The following NUP205 variants were observed in gnomAD, a reference collection of about 807,000 sequenced individuals.
NUP205 encodes nucleoporin 205.
NUP205 carries 76 observed loss-of-function variants against 253.8 expected under a neutral mutation model. The ratio of observed to expected loss-of-function variants is 0.30; its 90% CI spans 0.25 to 0.36. NUP205 has a LOEUF of 0.36. Among genes scored for constraint, NUP205 ranks in the 10% least tolerant of loss-of-function variants. The pLI, the probability that NUP205 is intolerant of heterozygous loss-of-function variation, is 1.00. For synonymous variants in NUP205, 832 were observed against 850.1 expected (o/e 0.98, Z 0.37); for missense variants, 2,162 against 2,425.5 (o/e 0.89, Z 2.28).
Position 135,606,786 on chromosome 7 carries a change from C to T in NUP205, c.2941C>T (p.His981Tyr). Residue 981 changes from histidine to tyrosine, a missense_variant, in exon 21 of 43, where the codon CAT becomes TAT. Physicochemically the swap from His to Tyr is moderately conservative, Grantham distance 83 (BLOSUM62 2). Around this residue, in one of 5 missense-constraint regions of NUP205, gnomAD observed 1,144 missense variants for 1,280.9 expected, o/e 0.89. Transcript: ENST00000285968. ...ELEKKLVAIR[H>Y]ETRIHILNLL... Reference sequence around the variant, plus strand: ...TGAAAAGAAATTAGTTGCAATTCGTCATGAAACAAGAATCCACATCTTGAA... The same window carrying T: ...TGAAAAGAAATTAGTTGCAATTCGTTATGAAACAAGAATCCACATCTTGAA... The T allele has an allele frequency of 1.2e-6, 2 of 1,613,810 alleles. No homozygotes were observed. The highest frequency in any genetic ancestry group is 2.2e-5 in the East Asian group (1 of 44,842).
chr7:135,593,928 C>T (rs546127071), intron 12 of NUP205, among the ~76,000 whole-genome samples: 1 of 152,184 alleles, frequency 6.6e-6, no homozygotes, highest in South Asian at 2.1e-4. Context: ...ATATAACTAG[C>T]AGTAATTCAT....
Position 135,638,650 on chromosome 7 carries a change from T to C in NUP205, c.5359T>C (p.Ser1787Pro), listed in dbSNP as rs959480329. The C allele has an allele frequency of 6.2e-7, 1 of 1,614,148 alleles. No homozygotes were observed. Among genetic ancestry groups the C allele is most frequent in the Non-Finnish European group, 8.5e-7 (1 of 1,180,006 alleles). Residue 1787 changes from serine (S) to proline (P), a missense_variant, in exon 38 of 43, where the codon TCA becomes CCA. Ser to Pro is a moderately conservative substitution (Grantham distance 74). This residue lies in a region of NUP205 where 1,144 missense variants were observed against 1,280.9 expected (regional missense o/e 0.89). Coordinates refer to ENST00000285968, the MANE Select transcript of NUP205 (RefSeq NM_015135.3). ...TGTGTGTCTCTTCACTCCTAGCCTT[T>C]CAGAAACAGTTAATAGAGATGGACC... Reference protein sequence around the residue: ...HAVCLFTPSLSETVNRDGPRQ... With the variant: ...HAVCLFTPSLPETVNRDGPRQ...
chr7:135,564,580 C>T (rs1424765019), intron 1 of NUP205, among the ~76,000 whole-genome samples: 1 of 151,502 alleles, frequency 6.6e-6, no homozygotes, highest in Non-Finnish European at 1.5e-5. Flanking sequence ...AGGGTTTTGC[C>T]ATGTGACCCA....
intron 12 of NUP205, among the ~76,000 whole-genome samples, chr7:135,594,281 A>G (rs915883396): frequency 1.3e-5 from 2 of 152,124 alleles, no homozygotes; most frequent in African/African-American, 4.8e-5. Flanking sequence ...CGGACCATTT[A>G]TCTCTGTTTG....
chr7:135,616,175 CT>C, intron 24 of NUP205, 110 bp downstream of exon 24: 1 of 966,864 alleles, frequency 1.0e-6, no homozygotes, highest in Non-Finnish European at 1.5e-6. Context: ...TATCTTCTCA[CT>C]TTTAGAATTT....
intron 13 of NUP205, 112 bp downstream of exon 13, chr7:135,594,841 C>A: frequency 1.3e-6 from 1 of 777,958 alleles, no homozygotes; most frequent in Non-Finnish European, 2.0e-6. Flanking sequence ...ATGAACATCC[C>A]AACTAGAGTT....
intron 38 of NUP205, among the ~76,000 whole-genome samples, chr7:135,642,711 C>G (rs1315548401): frequency 6.6e-6 from 1 of 152,132 alleles, no homozygotes; most frequent in Non-Finnish European, 1.5e-5. Flanking sequence ...TGACTTTGAG[C>G]TGGCAATTTA....
intron 1 of NUP205, among the ~76,000 whole-genome samples, chr7:135,559,368 T>A (rs1185014012): frequency 6.6e-6 from 1 of 152,248 alleles, no homozygotes; most frequent in East Asian, 1.9e-4. Flanking sequence ...TTTTATTTTT[T>A]AATTTTTCTT....
chr7:135,612,688 A>G (rs1358736630), intron 22 of NUP205, among the ~76,000 whole-genome samples: 1 of 152,204 alleles, frequency 6.6e-6, no homozygotes, highest in Non-Finnish European at 1.5e-5. Flanking sequence ...CGCATGAAGG[A>G]CCATGGAAGC....
Position 135,576,404 on chromosome 7 carries a change from C to T in NUP205, c.478C>T (p.Leu160=), listed in dbSNP as rs768095306. The change falls in exon 4 of 43, where the codon CTA becomes TTA. Residue 160 remains leucine (L), a synonymous_variant. Coordinates refer to ENST00000285968, the MANE Select transcript of NUP205 (RefSeq NM_015135.3). ...GTCTAGACGGGGAAAGACATGGACC[C>T]TAGAACTCAGGTCTTTTTACTTCTT... is the stretch of plus-strand genomic sequence containing the variant. The part of the protein sequence containing the change: ...IQSRRGKTWT[L]ELSPELASMT... 6.2e-7 allele frequency: 1 copy of T among 1,609,026 alleles called. No homozygotes were observed. Among genetic ancestry groups the T allele is most frequent in the Non-Finnish European group, 8.5e-7 (1 of 1,178,562 alleles).
Position 135,618,622 on chromosome 7 carries a change from TA to T in NUP205, c.3963+20del. 1 of 1,535,474 alleles carries T rather than the reference TA, an allele frequency of 6.5e-7. No individual in the cohort carries two copies. Among genetic ancestry groups the T allele is most frequent in the Non-Finnish European group, 8.8e-7 (1 of 1,135,612 alleles). On this transcript the variant is annotated intron_variant, in intron 28 of 42. Coordinates refer to ENST00000285968, the MANE Select transcript of NUP205 (RefSeq NM_015135.3). ...TGATAAGGTGACGTACTTCCTAAAA[TA>T]CTTTATACTGCTGAACGAATGTATC...
At chr7:135,559,257 TAGA>T (rs1250373926) in intron 1 of NUP205, among the ~76,000 whole-genome samples, 1 of 152,248 alleles carries the variant, frequency 6.6e-6, no homozygotes, top group Non-Finnish European at 1.5e-5. Context: ...ACGTATATAT[TAGA>T]AGGTTAGTAA....
chr7:135,607,033 A>G (rs1347850254), intron 21 of NUP205, 118 bp downstream of exon 21: 4 of 1,181,748 alleles, frequency 3.4e-6, no homozygotes, highest in Admixed American at 2.2e-5. Flanking sequence ...AAGAAAGGTA[A>G]TGTGATGGAT....
intron 38 of NUP205, among the ~76,000 whole-genome samples, chr7:135,639,566 C>T (rs1361945965): frequency 6.6e-6 from 1 of 151,900 alleles, no homozygotes; most frequent in African/African-American, 2.4e-5. Context: ...TGGCGCGCGC[C>T]TGTAATCCCA....
chr7:135,609,096 C>T (rs1265805440), intron 22 of NUP205, among the ~76,000 whole-genome samples: 1 of 130,700 alleles, frequency 7.7e-6, no homozygotes, highest in African/African-American at 3.0e-5. Context: ...AAGAGCAAAA[C>T]TCCGTCTCAA....
intron 31 of NUP205, among the ~76,000 whole-genome samples, chr7:135,623,683 A>G (rs1238693091): frequency 6.6e-6 from 1 of 152,258 alleles, no homozygotes; most frequent in African/African-American, 2.4e-5. Context: ...AAAATTATGT[A>G]GCAAAATTAT....
chr7:135,646,002 A>G (rs1795000996), intron 41 of NUP205, 156 bp from the exon 42 acceptor site: 4 of 623,444 alleles, frequency 6.4e-6, no homozygotes, highest in South Asian at 6.0e-5. Context: ...AATGCTTTCT[A>G]GGGGCTTCCA....
chr7:135,586,275 A>T (rs1005545875), intron 8 of NUP205, among the ~76,000 whole-genome samples: 3 of 151,714 alleles, frequency 2.0e-5, no homozygotes, highest in African/African-American at 7.3e-5. Context: ...ATCTATAGTG[A>T]TTTTTCTCTT....
chr7:135,625,441 C>A, intron 32 of NUP205, 86 bp downstream of exon 32: 2 of 996,734 alleles, frequency 2.0e-6, no homozygotes, highest in Non-Finnish European at 2.9e-6. Flanking sequence ...ATGTGGCATA[C>A]ATTCTGAATA....
Sources: gnomAD v4.1 joint callset for allele counts (sites outside exome capture counted in the v4.1 genomes callset) on GRCh38, gnomAD v4.1.1 for gene constraint, gnomAD v4.1.1 regional missense constraint, MANE v1.5 for transcripts, NCBI Gene and HGNC (gene_info 2026-07-23, HGNC 2026-07-21) for gene names.